The following STARD13 variants were observed in gnomAD, a reference collection of about 807,000 sequenced individuals.
The protein encoded by STARD13 is stAR-related lipid transfer protein 13.
Under a neutral mutation model 106.4 loss-of-function variants are expected in STARD13, and 62 were observed. The observed-to-expected ratio is 0.58, with a 90% CI of 0.48 to 0.72. The LOEUF is 0.72. Ranked by LOEUF, STARD13 falls within the 30% of genes least tolerant of loss-of-function variation. The pLI, the probability that STARD13 is intolerant of heterozygous loss-of-function variation, is 0.00. For synonymous variants in STARD13, 565 were observed against 553.0 expected, an observed-to-expected ratio of 1.02 and a Z score of -0.31; for missense variants, 1,387 against 1,424.0, an observed-to-expected ratio of 0.97 and a Z score of 0.42.
chr13:33,434,595 G>A, the STARD13 span, among the ~76,000 whole-genome samples: 2 of 151,962 alleles, frequency 1.3e-5, no homozygotes, highest in Non-Finnish European at 2.9e-5. Flanking sequence ...CAGTCAATAC[G>A]GATCTGTATT....
the STARD13 span, among the ~76,000 whole-genome samples, chr13:33,621,680 CAAAAA>C: frequency 1.2e-5 from 1 of 82,324 alleles, no homozygotes; most frequent in African/African-American, 4.8e-5. Flanking sequence ...ACTCAGTCTC[CAAAAA>C]AAAAAAAAAA....
chr13:33,372,586 T>A, the STARD13 span, among the ~76,000 whole-genome samples: 1 of 152,102 alleles, frequency 6.6e-6, no homozygotes, highest in East Asian at 1.9e-4. Flanking sequence ...AGAGGTTTTA[T>A]GTAATCCTTT....
the STARD13 span, among the ~76,000 whole-genome samples, chr13:33,622,641 G>T: frequency 1.3e-5 from 1 of 78,436 alleles, no homozygotes; most frequent in Non-Finnish European, 3.2e-5. Flanking sequence ...AAAAAAAAAG[G>T]CTGGGCGTGG....
chr13:33,119,210 G>A (rs886465093), intron 7 of STARD13, among the ~76,000 whole-genome samples: 1 of 152,178 alleles, frequency 6.6e-6, no homozygotes, highest in Non-Finnish European at 1.5e-5. Context: ...ACTTTCCTGG[G>A]CACCCTGGCT....
At chr13:33,324,382 TG>T (rs1893665588) in intron 1 of STARD13, among the ~76,000 whole-genome samples, 2 of 151,976 alleles carry the variant, frequency 1.3e-5, no homozygotes, top group African/African-American at 4.8e-5. Context: ...ATGCCAGGAG[TG>T]AGGGCTGATA....
the STARD13 span, among the ~76,000 whole-genome samples, chr13:33,482,297 G>A: frequency 6.6e-6 from 1 of 152,106 alleles, no homozygotes; most frequent in South Asian, 2.1e-4. Flanking sequence ...ATCTAGTCTT[G>A]CTTATGTTTA....
the STARD13 span, among the ~76,000 whole-genome samples, chr13:33,588,404 G>T: frequency 6.6e-6 from 1 of 152,148 alleles, no homozygotes; most frequent in Non-Finnish European, 1.5e-5. Context: ...TGCCTGACCT[G>T]CTGTACTCTC....
the STARD13 span, among the ~76,000 whole-genome samples, chr13:33,575,251 C>A: frequency 0.24 from 36,791 of 151,792 alleles, 5,352 homozygotes; most frequent in East Asian, 0.43. Context: ...GTATATGCCT[C>A]TAATATGTAA....
At chr13:33,652,661 G>T in the STARD13 span, among the ~76,000 whole-genome samples, 1 of 152,142 alleles carries the variant, frequency 6.6e-6, no homozygotes, top group South Asian at 2.1e-4. Flanking sequence ...AAATTAATGA[G>T]TCAGTTATAT....
the STARD13 span, among the ~76,000 whole-genome samples, chr13:33,479,077 CATA>C: frequency 1.3e-5 from 2 of 151,934 alleles, no homozygotes; most frequent in Non-Finnish European, 2.9e-5. Flanking sequence ...TAGAAATGAA[CATA>C]ATGATTCACA....
chr13:33,537,518 C>A, the STARD13 span, among the ~76,000 whole-genome samples: 1 of 152,148 alleles, frequency 6.6e-6, no homozygotes, highest in Non-Finnish European at 1.5e-5. Flanking sequence ...CGCTCAATTA[C>A]ACCCATGCAG....
the STARD13 span, among the ~76,000 whole-genome samples, chr13:33,404,134 T>C: frequency 1.3e-5 from 2 of 152,162 alleles, no homozygotes; most frequent in Non-Finnish European, 2.9e-5. Flanking sequence ...ATGAGATAAG[T>C]TTTTCATGGG....
intron 13 of STARD13, among the ~76,000 whole-genome samples, chr13:33,105,940 T>C (rs1490046824): frequency 6.6e-6 from 1 of 152,232 alleles, no homozygotes; most frequent in Non-Finnish European, 1.5e-5. Context: ...TGCTTTAAAA[T>C]GATACCAACA....
At chr13:33,624,606 A>G in the STARD13 span, among the ~76,000 whole-genome samples, 1 of 152,244 alleles carries the variant, frequency 6.6e-6, no homozygotes, top group African/African-American at 2.4e-5. Flanking sequence ...ACCAACATTT[A>G]TGAAAGAACA....
the STARD13 span, chr13:33,660,017 A>G: frequency 6.6e-6 from 1 of 152,184 alleles, no homozygotes; most frequent in Admixed American, 6.5e-5. Flanking sequence ...TGCCAATGCC[A>G]TGTTTGAATA....
chr13:33,290,085 C>G (rs1892235039), upstream of STARD13, among the ~76,000 whole-genome samples: 2 of 152,030 alleles, frequency 1.3e-5, no homozygotes, highest in Admixed American at 1.3e-4. Flanking sequence ...ATAGATGATC[C>G]CAGATTAGCG....
the STARD13 span, among the ~76,000 whole-genome samples, chr13:33,467,141 T>G: frequency 6.6e-6 from 1 of 151,942 alleles, no homozygotes; most frequent in East Asian, 1.9e-4. Context: ...ATGTAATCCA[T>G]CTCTCTCATT....
chr13:33,184,377 C>A (rs1885546494), intron 1 of STARD13, among the ~76,000 whole-genome samples: 1 of 152,048 alleles, frequency 6.6e-6, no homozygotes. Flanking sequence ...GCTGCTGCTG[C>A]TGATGGTTGA....
chr13:33,603,602 G>T, the STARD13 span, among the ~76,000 whole-genome samples: 1 of 152,076 alleles, frequency 6.6e-6, no homozygotes, highest in South Asian at 2.1e-4. Context: ...TATGGATTTA[G>T]AGTACAAACT....
Sources: allele counts gnomAD v4.1 joint callset (sites outside exome capture counted in the v4.1 genomes callset), GRCh38; gene constraint gnomAD v4.1.1; transcripts MANE v1.5; gene names NCBI Gene and HGNC (gene_info 2026-07-23, HGNC 2026-07-21).